The following ENOSF1 variants were observed in gnomAD, a reference collection of about 807,000 sequenced individuals.
ENOSF1 encodes the protein enolase superfamily member 1.
ENOSF1 carries 73 observed loss-of-function variants against 68.2 expected under a neutral mutation model. That is an observed-to-expected ratio of 1.07 (90% confidence interval 0.89 to 1.30). The LOEUF (loss-of-function observed/expected upper bound fraction) is 1.30. Among genes scored for constraint, ENOSF1 ranks in the 50% most tolerant of loss-of-function variants. The probability of loss-of-function intolerance (pLI) is 0.00; values close to 1 mark genes in which losing one functional copy is unlikely to be tolerated. For synonymous variants in ENOSF1, 223 were observed against 210.4 expected, an observed-to-expected ratio of 1.06 and a Z score of -0.52; for missense variants, 589 against 554.5, an observed-to-expected ratio of 1.06 and a Z score of -0.62.
intron 11 of ENOSF1, 56 bp from the exon 12 acceptor site, chr18:678,793 TA>T (rs2075781523): frequency 1.3e-6 from 2 of 1,573,986 alleles, no homozygotes; most frequent in Non-Finnish European, 8.7e-7. Context: ...CTGCAACTCC[TA>T]ATGTTTAAAA....
At chr18:675,769 A>C (rs539202189) in intron 14 of ENOSF1, among the ~76,000 whole-genome samples, 10 of 152,260 alleles carry the variant, frequency 6.6e-5, no homozygotes, top group Admixed American at 2.0e-4. Context: ...TTTTTCAAGA[A>C]GCGTTTGTAT....
rs1568075194 is a variant in ENOSF1, at chr18:690,731, TC to T, written c.536-101del. On this transcript the variant is annotated intron_variant, in intron 7 of 15. Transcript: ENST00000647584. ...TGTTTCCCCTGGAGAGTCCAGCTGT[TC>T]TCCTGATCCGGCCCTGCACACACAC... 5 of 1,549,088 alleles carry T rather than the reference TC, an allele frequency of 3.2e-6. No individual in the cohort carries two copies. In the African/African-American group the frequency reaches 5.5e-5, roughly 17 times the overall value.
intron 9 of ENOSF1, 103 bp downstream of exon 9, chr18:688,471 G>C: frequency 6.7e-7 from 1 of 1,494,292 alleles, no homozygotes; most frequent in Non-Finnish European, 9.3e-7. Flanking sequence ...GGGGATCCTA[G>C]CCCGTGGGTG....
intron 11 of ENOSF1, 126 bp from the exon 12 acceptor site, chr18:678,863 T>G (rs1472903856): frequency 7.6e-6 from 7 of 916,716 alleles, no homozygotes; most frequent in Admixed American, 2.1e-5. Context: ...GGCTCAAGAC[T>G]GGCAAAGGAT....
In ENOSF1 at chr18:691,250, T is replaced by C; in HGVS notation, c.450A>G (p.Ile150Met). The C allele has an allele frequency of 6.2e-7, 1 of 1,614,142 alleles. No individual in the cohort carries two copies. Among genetic ancestry groups the C allele is most frequent in the Non-Finnish European group, 8.5e-7 (1 of 1,180,016 alleles). ...GGACATCAGTGATGTACCTGAAATC[T>C]ATGCAGGATACCAGCATCCTGGGAT... is the stretch of plus-strand genomic sequence containing the variant. Reference protein sequence around the residue: ...DMDPRMLVSCIDFRYITDVLT... With the variant: ...DMDPRMLVSCMDFRYITDVLT... The change falls in exon 6 of 16, where the codon ATA (isoleucine) becomes ATG (methionine). Residue 150 changes from isoleucine (I) to methionine (M), a missense_variant. By Grantham distance (10) the Ile-to-Met change is conservative (BLOSUM62 1). Coordinates refer to ENST00000647584, the MANE Select transcript of ENOSF1 (RefSeq NM_017512.7).
chr18:696,215 T>TC (rs1202641194), intron 3 of ENOSF1, among the ~76,000 whole-genome samples: 2 of 147,566 alleles, frequency 1.4e-5, no homozygotes, highest in African/African-American at 5.1e-5. Flanking sequence ...TTTTTTTTTT[T>TC]TTTTTTTTTG....
the ENOSF1 span, among the ~76,000 whole-genome samples, chr18:664,115 C>T: frequency 6.6e-6 from 1 of 150,404 alleles, no homozygotes. Context: ...GGCAGTATGG[C>T]CATTTTCACG....
chr18:669,026 T>C (rs754740288), downstream of ENOSF1: 4 of 1,505,332 alleles, frequency 2.7e-6, no homozygotes, highest in Admixed American at 6.7e-5. Context: ...TCATGACATG[T>C]GTGATTAATG....
At chr18:704,474 CCTCT>C (rs771357189) in intron 2 of ENOSF1, among the ~76,000 whole-genome samples, 1 of 147,282 alleles carries the variant, frequency 6.8e-6, no homozygotes, top group East Asian at 2.0e-4. Flanking sequence ...CCTAATATAT[CCTCT>C]CTCTGTAAAA....
Position 673,122 on chromosome 18 carries a change from A to G in ENOSF1, c.*1183T>C. The G allele has an allele frequency of 1.8e-6, 2 of 1,088,160 alleles. No homozygotes were observed. The highest frequency in any genetic ancestry group is 5.3e-5 in the South Asian group (2 of 37,454). 67.4% of individuals were successfully genotyped at this position (1,088,160 alleles called of 1,614,324 possible). ...GTCAAAAATCTGTCCGTGACCTATCAGTTATTAATTTTTAAGGATGTTGCC... is the reference window on the plus strand; with the variant it reads ...GTCAAAAATCTGTCCGTGACCTATCGGTTATTAATTTTTAAGGATGTTGCC... On this transcript the variant is annotated 3_prime_UTR_variant, in exon 16 of 16. Transcript: ENST00000647584.
At chr18:687,662 C>T (rs564670395) in intron 9 of ENOSF1, 1 of 152,424 alleles carries the variant, frequency 6.6e-6, no homozygotes, top group East Asian at 1.9e-4. Flanking sequence ...GGGTCATCAA[C>T]CATCGAGGTT....
intron 12 of ENOSF1, chr18:678,487 TA>T (rs1268249281): frequency 7.1e-6 from 4 of 559,938 alleles, no homozygotes; most frequent in African/African-American, 1.9e-5. Context: ...TACCCGACCT[TA>T]GTCATATAAA....
At chr18:699,788 T>C (rs1010846857) in intron 2 of ENOSF1, among the ~76,000 whole-genome samples, 1 of 152,174 alleles carries the variant, frequency 6.6e-6, no homozygotes, top group Non-Finnish European at 1.5e-5. Context: ...AGTTTGAAAG[T>C]GGTGCCCCAG....
Position 672,689 on chromosome 18 carries a change from TG to T in ENOSF1, c.*1615del. 1 of 595,962 alleles carries T rather than the reference TG, an allele frequency of 1.7e-6. No homozygotes were observed. The highest frequency in any genetic ancestry group is 2.8e-6 in the Non-Finnish European group (1 of 359,972). The allele number at this position is 595,962 out of a possible 1,614,324, so 36.9% of individuals were successfully genotyped here. On this transcript the variant is annotated 3_prime_UTR_variant, in exon 16 of 16. Transcript: ENST00000647584. Reference sequence around the variant, plus strand: ...CTCTCGATCTGTGCAAGAGAACAGCTGGTTGCGCTCCAATCATGTTACATAA... The same window carrying T: ...CTCTCGATCTGTGCAAGAGAACAGCTGTTGCGCTCCAATCATGTTACATAA...
intron 11 of ENOSF1, among the ~76,000 whole-genome samples, chr18:682,300 C>A (rs1223141225): frequency 1.1e-4 from 17 of 152,162 alleles, no homozygotes; most frequent in Non-Finnish European, 5.9e-5. Flanking sequence ...TCCCAGGCTA[C>A]AAACCTGTAC....
intron 1 of ENOSF1, among the ~76,000 whole-genome samples, chr18:707,367 T>C (rs981085189): frequency 6.6e-6 from 1 of 152,162 alleles, no homozygotes; most frequent in Non-Finnish European, 1.5e-5. Flanking sequence ...CGCAGCTATC[T>C]CTGTCAGCTT....
At chr18:694,848 T>C (rs781526964) in intron 3 of ENOSF1, among the ~76,000 whole-genome samples, 60 of 152,186 alleles carry the variant, frequency 3.9e-4, no homozygotes, top group Admixed American at 9.8e-4. Flanking sequence ...TGTATGTATA[T>C]ACATATGAAC....
At chr18:666,702 G>A (rs1258565911), downstream of ENOSF1, among the ~76,000 whole-genome samples, 1 of 152,226 alleles carries the variant, frequency 6.6e-6, no homozygotes, top group East Asian at 1.9e-4. Context: ...TATTTTATGT[G>A]CGGTCATGAG....
rs777800345 is a variant in ENOSF1 at position 683,281 on chromosome 18, G to T, written c.841C>A (p.Pro281Thr). Residue 281 changes from proline to threonine, a missense_variant, in exon 11 of 16, where the codon CCT becomes ACT. Transcript: ENST00000647584. The stretch of plus-strand genomic sequence containing the variant: ...GTGGCGTGCCCCAGAATGTCATCAG[G>T]GGAGGTTGGCTCCTCAATCCACAAT... ...KPLWIEEPTS[P>T]DDILGHATIS... is the part of the protein sequence containing the mutation. The T allele has an allele frequency of 1.9e-6, 3 of 1,614,022 alleles. No homozygotes were observed. Among genetic ancestry groups the T allele is most frequent in the Non-Finnish European group, 2.5e-6 (3 of 1,179,970 alleles).
Sources: gnomAD v4.1 joint callset for allele counts (sites outside exome capture counted in the v4.1 genomes callset) on GRCh38, gnomAD v4.1.1 for gene constraint, MANE v1.5 for transcripts, NCBI Gene and HGNC (gene_info 2026-07-23, HGNC 2026-07-21) for gene names.